The following DLGAP1 variants were observed in gnomAD, a reference collection of about 807,000 sequenced individuals.
The protein encoded by DLGAP1 is DLG associated protein 1, also known as disks large-associated protein 1.
Under a neutral mutation model 90.8 loss-of-function variants are expected in DLGAP1, and 11 were observed. That is an observed-to-expected ratio of 0.12 (90% confidence interval 0.08 to 0.20). The LOEUF (loss-of-function observed/expected upper bound fraction) is 0.20, where lower values mean the gene tolerates loss of function less well. Ranked by LOEUF, DLGAP1 falls within the 10% of genes least tolerant of loss-of-function variation. DLGAP1 has a pLI of 1.00. For synonymous variants in DLGAP1, 558 were observed against 540.7 expected, an observed-to-expected ratio of 1.03 and a Z score of -0.44; for missense variants, 1,050 against 1,333.8, an observed-to-expected ratio of 0.79 and a Z score of 3.31.
chr18:4,100,911 C>T (rs992318951), intron 2 of DLGAP1, among the ~76,000 whole-genome samples: 10 of 152,176 alleles, frequency 6.6e-5, no homozygotes, highest in Admixed American at 5.2e-4. Context: ...GAGTCAGGGC[C>T]TTGCTTTGGT....
In DLGAP1 at chr18:3,644,504, G is replaced by A. The variant is rs549612687; in HGVS notation, c.1592-62256C>T. 8.6e-5 allele frequency among the ~76,000 whole-genome samples: 13 copies of A among 151,932 alleles called. No homozygotes were observed. In the South Asian group the frequency reaches 1.0e-3, roughly 12 times the overall value. On this transcript the variant is annotated intron_variant, in intron 7 of 12. Transcript: ENST00000315677. ...TGGCTCACTGCAACCTCCGCCTCCC[G>A]GGTTCAAGTGATTCTCCTGCCTCAG...
At chr18:3,814,362 T>A (rs1264034437) in intron 4 of DLGAP1, 89 bp from the exon 5 acceptor site, 3 of 211,450 alleles carry the variant, frequency 1.4e-5, no homozygotes, top group African/African-American at 6.4e-5. Flanking sequence ...AACATTTCTA[T>A]TTTTTTTTTT....
At chr18:3,724,848 TA>T (rs1166461077) in intron 7 of DLGAP1, among the ~76,000 whole-genome samples, 2 of 150,876 alleles carry the variant, frequency 1.3e-5, no homozygotes, top group Non-Finnish European at 2.9e-5. Flanking sequence ...GAGGCTGCAG[TA>T]AGTTATAATC....
intron 1 of DLGAP1, among the ~76,000 whole-genome samples, chr18:4,288,188 T>C (rs2079752376): frequency 6.6e-6 from 1 of 152,216 alleles, no homozygotes; most frequent in Non-Finnish European, 1.5e-5. Flanking sequence ...GCATTAGGTA[T>C]ATCTCCCAAT....
At chr18:4,312,801 T>C (rs1287912106) in intron 1 of DLGAP1, among the ~76,000 whole-genome samples, 4 of 152,222 alleles carry the variant, frequency 2.6e-5, no homozygotes, top group Non-Finnish European at 5.9e-5. Context: ...TAACAGATTT[T>C]TGTTATTCCT....
chr18:4,354,791 G>A (rs1223823703), intron 1 of DLGAP1, among the ~76,000 whole-genome samples: 2 of 139,420 alleles, frequency 1.4e-5, no homozygotes, highest in African/African-American at 5.3e-5. Context: ...ACTCATTATT[G>A]TTAAATATGG....
At chr18:3,827,301 C>A (rs1488395893) in intron 4 of DLGAP1, among the ~76,000 whole-genome samples, 1 of 152,138 alleles carries the variant, frequency 6.6e-6, no homozygotes. Context: ...TTGCTCCACC[C>A]TTAGAAGTTT....
chr18:4,138,718 G>A (rs570386883), intron 2 of DLGAP1, among the ~76,000 whole-genome samples: 66 of 152,082 alleles, frequency 4.3e-4, no homozygotes, highest in Non-Finnish European at 8.4e-4. Context: ...ATTGGTATTA[G>A]TTCTTCTTTG....
At chr18:4,334,107 A>G (rs1363595816) in intron 1 of DLGAP1, among the ~76,000 whole-genome samples, 1 of 151,380 alleles carries the variant, frequency 6.6e-6, no homozygotes, top group Non-Finnish European at 1.5e-5. Context: ...GGGTGGTGGC[A>G]CATGCCTGTA....
intron 5 of DLGAP1, among the ~76,000 whole-genome samples, chr18:3,748,287 G>A (rs113345360): frequency 6.6e-6 from 1 of 152,298 alleles, no homozygotes; most frequent in African/African-American, 2.4e-5. Context: ...CTTTGTATCC[G>A]GAAGGCTGCC....
chr18:3,687,904 A>G (rs934063136), intron 7 of DLGAP1, among the ~76,000 whole-genome samples: 1 of 145,454 alleles, frequency 6.9e-6, no homozygotes, highest in Non-Finnish European at 1.5e-5. Context: ...ATCCTCAGAG[A>G]CTGTTTTTTT....
At chr18:4,088,601 A>G (rs532286554) in intron 2 of DLGAP1, among the ~76,000 whole-genome samples, 29 of 152,142 alleles carry the variant, frequency 1.9e-4, no homozygotes, top group African/African-American at 7.0e-4. Context: ...CTTACCTTTC[A>G]TTTGTTTGAA....
chr18:4,414,377 G>A (rs2082845798), intron 1 of DLGAP1, among the ~76,000 whole-genome samples: 1 of 152,110 alleles, frequency 6.6e-6, no homozygotes, highest in Admixed American at 6.6e-5. Flanking sequence ...TTTATATGAT[G>A]CTTAGCATAT....
chr18:3,819,334 A>G (rs2067275046), intron 4 of DLGAP1, among the ~76,000 whole-genome samples: 1 of 152,044 alleles, frequency 6.6e-6, no homozygotes. Context: ...TGTCACTAAG[A>G]AAGAAATAAA....
chr18:4,183,619 T>C (rs2077243884), intron 1 of DLGAP1, among the ~76,000 whole-genome samples: 1 of 152,134 alleles, frequency 6.6e-6, no homozygotes, highest in East Asian at 1.9e-4. Flanking sequence ...CTTTGAGTCA[T>C]CCATTTCCTC....
chr18:4,444,070 A>T (rs1439316205), intron 1 of DLGAP1, among the ~76,000 whole-genome samples: 1 of 152,224 alleles, frequency 6.6e-6, no homozygotes, highest in Non-Finnish European at 1.5e-5. Flanking sequence ...GAGAGGCAGA[A>T]GATAAGCCCC....
At chr18:4,197,199 A>AAAAAAAAAAAAAAAAAAAAAAAAG (rs1555760529) in intron 1 of DLGAP1, among the ~76,000 whole-genome samples, 6 of 144,302 alleles carry the variant, frequency 4.2e-5, no homozygotes, top group African/African-American at 1.6e-4. Flanking sequence ...AAAAAAAAAA[A>AAAAAAAAAAAAAAAAAAAAAAAAG]AAAAAAAAAG....
intron 1 of DLGAP1, among the ~76,000 whole-genome samples, chr18:4,203,637 C>T (rs1598613161): frequency 6.6e-6 from 1 of 152,094 alleles, no homozygotes; most frequent in Admixed American, 6.5e-5. Flanking sequence ...GCCCAGAAAA[C>T]AACCACTCTT....
chr18:4,055,807 G>T (rs1334701422), intron 2 of DLGAP1, among the ~76,000 whole-genome samples: 1 of 152,150 alleles, frequency 6.6e-6, no homozygotes, highest in Non-Finnish European at 1.5e-5. Flanking sequence ...TGTGAGTTAA[G>T]TGGGCTGCTA....
Sources: gnomAD v4.1 joint callset for allele counts (sites outside exome capture counted in the v4.1 genomes callset) on GRCh38, gnomAD v4.1.1 for gene constraint, MANE v1.5 for transcripts, NCBI Gene and HGNC (gene_info 2026-07-23, HGNC 2026-07-21) for gene names.